The following PLEKHA6 variants were observed in gnomAD, a reference collection of about 807,000 sequenced individuals.
The protein encoded by PLEKHA6 is pleckstrin homology domain-containing family A member 6.
Under a neutral mutation model 116.7 loss-of-function variants are expected in PLEKHA6, and 60 were observed. The ratio of observed to expected loss-of-function variants is 0.51; its 90% confidence interval spans 0.42 to 0.64. The LOEUF (loss-of-function observed/expected upper bound fraction) is 0.64. Ranked by LOEUF, PLEKHA6 falls within the 30% of genes least tolerant of loss-of-function variation. The pLI is 0.00. For synonymous variants in PLEKHA6, 489 were observed against 556.1 expected (o/e 0.88, Z 1.70); for missense variants, 1,338 against 1,422.7 (o/e 0.94, Z 0.96).
At chr1:204,324,386 G>T (rs541285909) in intron 1 of PLEKHA6, among the ~76,000 whole-genome samples, 3 of 152,038 alleles carry the variant, frequency 2.0e-5, no homozygotes, top group Non-Finnish European at 4.4e-5. Flanking sequence ...ATAAAGAAAG[G>T]GGCCTCAATG....
In PLEKHA6 at chr1:204,261,165, C is replaced by T; in HGVS notation, c.524+141G>A. ...GAAATCACTCAGCCAGGCCTCCCGC[C>T]TGGATGCAAGGAGACGGCTCACACA... is the stretch of plus-strand genomic sequence containing the variant. On this transcript the variant is annotated intron_variant, in intron 7 of 22. Coordinates refer to ENST00000272203, the MANE Select transcript of PLEKHA6 (RefSeq NM_014935.5). The surrounding 1 kb of genome is among the most constrained non-coding windows in gnomAD (Gnocchi z 4.0). 1.0e-6 allele frequency: 1 copy of T among 991,438 alleles called. No individual in the cohort carries two copies. The highest frequency in any genetic ancestry group is 2.6e-5 in the East Asian group (1 of 38,940). 61.4% of individuals were successfully genotyped at this position (991,438 alleles called of 1,614,324 possible). A position where few individuals can be genotyped will look rare whatever the true frequency, so the allele number is the denominator to read the frequency against.
intron 1 of PLEKHA6, among the ~76,000 whole-genome samples, chr1:204,286,507 C>A (rs761748815): frequency 1.3e-5 from 2 of 152,158 alleles, no homozygotes; most frequent in Non-Finnish European, 2.9e-5. Flanking sequence ...ACCTGAGTAA[C>A]AGGTGAGCCT....
intron 2 of PLEKHA6, among the ~76,000 whole-genome samples, chr1:204,370,343 G>T (rs1348531720): frequency 2.0e-5 from 3 of 152,246 alleles, no homozygotes; most frequent in African/African-American, 7.2e-5. Context: ...GATTGACGGA[G>T]GCCTTGGAAC....
chr1:204,346,428 G>A lies in PLEKHA6; in HGVS notation c.-95+13266C>T, dbSNP rs147681650. 2.8e-4 allele frequency among the ~76,000 whole-genome samples: 42 copies of A among 152,144 alleles called. 3 individuals are homozygous for A. The Middle Eastern group carries it at 0.014, about 50-fold the overall frequency. On this transcript the variant is annotated intron_variant, in intron 1 of 22. Transcript: ENST00000272203. Reference sequence around the variant, plus strand: ...CTGGGCACCTGAGGGTGGCCAGCCGGGCAGCTCTGAGCCACCACAAATGAG... The same window carrying A: ...CTGGGCACCTGAGGGTGGCCAGCCGAGCAGCTCTGAGCCACCACAAATGAG...
chr1:204,244,127 T>C (rs1270134903), intron 15 of PLEKHA6, among the ~76,000 whole-genome samples: 1 of 151,998 alleles, frequency 6.6e-6, no homozygotes, highest in African/African-American at 2.4e-5. Context: ...AGCCTCTTTC[T>C]TTTATTTTTT....
At chr1:204,254,516 T>C (rs1361387002) in intron 9 of PLEKHA6, among the ~76,000 whole-genome samples, 1 of 152,190 alleles carries the variant, frequency 6.6e-6, no homozygotes, top group East Asian at 1.9e-4. Flanking sequence ...TGTCACACAT[T>C]AGATGTTTCC....
At position 204,257,700 on chromosome 1, in the gene PLEKHA6, G is replaced by T; in HGVS notation, c.1177C>A (p.Arg393Ser). 1 of 1,612,062 alleles carries T rather than the reference G, an allele frequency of 6.2e-7. No individual in the cohort carries two copies. The highest frequency in any genetic ancestry group is 2.2e-5 in the East Asian group (1 of 44,840). The change falls in exon 9 of 23, where the codon CGC becomes AGC. Residue 393 changes from arginine (R) to serine (S), a missense_variant. By Grantham distance (110) the Arg-to-Ser change is moderately radical. Transcript: ENST00000272203. The surrounding 1 kb of genome is among the most constrained non-coding windows in gnomAD (Gnocchi z 6.5). ...ISPPWALEDK[R>S]HAFRNGGGPA... The stretch of plus-strand genomic sequence containing the variant: ...CCACCCCCATTGCGGAAGGCATGGC[G>T]CTTGTCCTCCAGGGCCCAGGGCGGG...
intron 1 of PLEKHA6, among the ~76,000 whole-genome samples, chr1:204,351,203 C>T (rs1277890360): frequency 1.4e-5 from 2 of 143,496 alleles, no homozygotes; most frequent in African/African-American, 5.0e-5. Context: ...TGGGGTGTGG[C>T]GGGGGGGAGG....
rs200993122 is a variant in PLEKHA6, at chr1:204,293,389, CCT to C, written c.-94-18582_-94-18581del. On this transcript the variant is annotated intron_variant, in intron 1 of 22. Coordinates refer to ENST00000272203, the MANE Select transcript of PLEKHA6 (RefSeq NM_014935.5). ...GCCTCAGGTGATCCGCCCGCCTTGG[CCT>C]CCCAAAGTGCTGGGATTACAAGCAT... is the stretch of plus-strand genomic sequence containing the variant. Among the ~76,000 whole-genome samples, 1,088 of 152,304 alleles carry C rather than the reference CCT, an allele frequency of 7.1e-3. 11 individuals are homozygous for C. The highest frequency in any genetic ancestry group is 0.024 in the African/African-American group (983 of 41,562).
chr1:204,259,691 G>T lies in PLEKHA6; in HGVS notation c.574C>A (p.Gln192Lys). Residue 192 changes from glutamine to lysine, a missense_variant, in exon 8 of 23, where the codon CAG (glutamine) becomes AAG (lysine). Physicochemically the swap from Gln to Lys is moderately conservative, Grantham distance 53. Coordinates refer to ENST00000272203, the MANE Select transcript of PLEKHA6 (RefSeq NM_014935.5). The surrounding 1 kb of genome is among the most constrained non-coding windows in gnomAD (Gnocchi z 4.6). ...TTAGGGAGGCTGTTGTGGGGTGGCT[G>T]CTGGTGGTGCTTGCTGGGTGGGACG... ...ENVPPSKHHQ[Q>K]PPHNSLPKPE... 1 of 1,613,832 alleles carries T rather than the reference G, an allele frequency of 6.2e-7. No homozygotes were observed. The highest frequency in any genetic ancestry group is 8.5e-7 in the Non-Finnish European group (1 of 1,179,838).
chr1:204,326,276 A>G (rs1359164366), intron 1 of PLEKHA6, among the ~76,000 whole-genome samples: 2 of 152,022 alleles, frequency 1.3e-5, no homozygotes, highest in Non-Finnish European at 2.9e-5. Context: ...CTTAGACCCA[A>G]CCAGCCAGGA....
chr1:204,298,217 C>T (rs1054194222), intron 1 of PLEKHA6, among the ~76,000 whole-genome samples: 1 of 152,212 alleles, frequency 6.6e-6, no homozygotes, highest in Non-Finnish European at 1.5e-5. Flanking sequence ...TAATTCAATC[C>T]TAACCTAAGC....
At chr1:204,248,364 G>T (rs745971507) in intron 12 of PLEKHA6, among the ~76,000 whole-genome samples, 6 of 152,104 alleles carry the variant, frequency 3.9e-5, no homozygotes, top group Non-Finnish European at 7.4e-5. Context: ...ATGTAGGTCA[G>T]GCTGGTCTCA....
Position 204,273,625 on chromosome 1 carries a change from C to T in PLEKHA6, c.102+1G>A. ...CAGCTTGCCTTGAGGGCTGGACTTA[C>T]CCGGACGCTGGGCCGCTCTGGAGGG... On this transcript the variant is annotated splice_donor_variant, in intron 3 of 22. Coordinates refer to ENST00000272203, the MANE Select transcript of PLEKHA6 (RefSeq NM_014935.5). LOFTEE classifies it high-confidence loss of function. The T allele has an allele frequency of 6.2e-7, 1 of 1,610,064 alleles. No homozygotes were observed. The highest frequency in any genetic ancestry group is 8.5e-7 in the Non-Finnish European group (1 of 1,176,274).
chr1:204,336,904 T>C (rs1672668074), intron 1 of PLEKHA6, among the ~76,000 whole-genome samples: 1 of 152,202 alleles, frequency 6.6e-6, no homozygotes, highest in Admixed American at 6.5e-5. Flanking sequence ...CCTCCAAGGC[T>C]CTGGCAGGGC....
At chr1:204,225,005 T>C (rs1195826947) in intron 21 of PLEKHA6, among the ~76,000 whole-genome samples, 1 of 152,220 alleles carries the variant, frequency 6.6e-6, no homozygotes, top group Non-Finnish European at 1.5e-5. Context: ...CTCTTATTTA[T>C]ACGCAATTCT....
At chr1:204,296,404 T>C (rs1286621246) in intron 1 of PLEKHA6, among the ~76,000 whole-genome samples, 1 of 152,176 alleles carries the variant, frequency 6.6e-6, no homozygotes, top group East Asian at 1.9e-4. Context: ...ACACATGTGA[T>C]GGGCATTTAG....
chr1:204,361,220 A>C (rs1673550956), upstream of PLEKHA6, among the ~76,000 whole-genome samples: 1 of 152,194 alleles, frequency 6.6e-6, no homozygotes, highest in Admixed American at 6.5e-5. Context: ...TTATTAGAAC[A>C]ACTTGATCAA....
chr1:204,227,996 C>T, intron 21 of PLEKHA6, 87 bp downstream of exon 21: 4 of 1,343,106 alleles, frequency 3.0e-6, no homozygotes, highest in South Asian at 1.4e-5. Context: ...TTGCTACTGC[C>T]CCCCTTGTAG....
Sources: allele counts gnomAD v4.1 joint callset (sites outside exome capture counted in the v4.1 genomes callset), GRCh38; gene constraint gnomAD v4.1.1; non-coding constraint Gnocchi (gnomAD v3.1); transcripts MANE v1.5; gene names NCBI Gene and HGNC (gene_info 2026-07-23, HGNC 2026-07-21).